NLRP4: variants seen among roughly 807,000 people sequenced by gnomAD.
The protein encoded by NLRP4 is NACHT, LRR and PYD domains-containing protein 4.
A neutral mutation model predicts 84.7 loss-of-function variants in NLRP4; 44 were observed. That is an observed-to-expected ratio of 0.52 (90% CI 0.41 to 0.67). The LOEUF is 0.67. NLRP4 is among the 30% of genes least tolerant of loss of function. The probability of loss-of-function intolerance (pLI) is 0.00; values close to 1 mark genes in which losing one functional copy is unlikely to be tolerated. For synonymous variants in NLRP4, 544 were observed against 476.4 expected (o/e 1.14, Z -1.85); for missense variants, 1,260 against 1,219.4 (o/e 1.03, Z -0.50).
At chr19:55,841,332 CTTCTAT>C (rs1175017077) in intron 1 of NLRP4, among the ~76,000 whole-genome samples, 1 of 152,154 alleles carries the variant, frequency 6.6e-6, no homozygotes, top group Admixed American at 6.6e-5. Flanking sequence ...CTACTCTCTA[CTTCTAT>C]AAGTTCATCT....
At chr19:55,851,888 T>G in intron 1 of NLRP4, 128 bp from the exon 2 acceptor site, 1 of 547,334 alleles carries the variant, frequency 1.8e-6, no homozygotes. Flanking sequence ...AATGAGAAGG[T>G]GAGATGAATG....
chr19:55,848,616 A>T (rs1359470171), intron 1 of NLRP4, among the ~76,000 whole-genome samples: 1 of 151,994 alleles, frequency 6.6e-6, no homozygotes, highest in East Asian at 1.9e-4. Context: ...GTTGGCCAAG[A>T]TGGTCTGGAT....
intron 1 of NLRP4, among the ~76,000 whole-genome samples, chr19:55,848,413 A>G (rs1983883399): frequency 6.6e-6 from 1 of 151,800 alleles, no homozygotes; most frequent in African/African-American, 2.4e-5. Context: ...AGCATACTAT[A>G]CTATACATTG....
chr19:55,876,411 C>T (rs895899628), intron 7 of NLRP4, among the ~76,000 whole-genome samples: 7 of 152,136 alleles, frequency 4.6e-5, no homozygotes, highest in East Asian at 1.9e-4. Flanking sequence ...TGCAGTGGTG[C>T]GATCTCAGCT....
intron 2 of NLRP4, among the ~76,000 whole-genome samples, chr19:55,856,728 A>C (rs11882339): frequency 0.016 from 2,480 of 151,842 alleles, 57 homozygotes; most frequent in African/African-American, 0.04. Context: ...GTTGGCCAGG[A>C]TGGTCTTGAT....
intron 1 of NLRP4, among the ~76,000 whole-genome samples, chr19:55,840,708 A>G (rs555629096): frequency 1.3e-5 from 2 of 152,012 alleles, no homozygotes; most frequent in African/African-American, 2.4e-5. Flanking sequence ...GATCATTCGT[A>G]TATTTTAAGG....
chr19:55,841,647 G>A (rs1352894644), intron 1 of NLRP4, among the ~76,000 whole-genome samples: 1 of 152,144 alleles, frequency 6.6e-6, no homozygotes, highest in Non-Finnish European at 1.5e-5. Context: ...CAGATCACGA[G>A]GTCAGGAGAT....
intron 1 of NLRP4, among the ~76,000 whole-genome samples, chr19:55,844,225 T>A (rs1165561531): frequency 1.3e-5 from 2 of 152,150 alleles, no homozygotes; most frequent in Non-Finnish European, 1.5e-5. Context: ...AGTGGCATTT[T>A]CCCTGTGGCA....
intron 9 of NLRP4, 40 bp downstream of exon 9, chr19:55,879,004 C>A: frequency 6.5e-7 from 1 of 1,527,138 alleles, no homozygotes; most frequent in Non-Finnish European, 9.0e-7. Flanking sequence ...CAGAGTGCTC[C>A]GGGCTAAGAA....
Position 55,858,661 on chromosome 19 carries a change from G to A in NLRP4, c.1268G>A (p.Gly423Glu), listed in dbSNP as rs1249925188. The change falls in exon 3 of 10, where the codon GGG becomes GAG. Residue 423 changes from glycine to glutamate, a missense_variant. Gly to Glu is a moderately conservative substitution (Grantham distance 98). Transcript: ENST00000301295. This position sits in a 1 kb window ranked among gnomAD's most constrained non-coding sequence, Gnocchi z 4.2. ...EFCEDDLRRN[G>E]VVDADIPALL... ...TGTGAAGACGACCTCCGGAGAAATG[G>A]GGTTGTTGACGCTGACATCCCTGCG... 1 of 1,614,070 alleles carries A rather than the reference G, an allele frequency of 6.2e-7. No individual in the cohort carries two copies. Among genetic ancestry groups the A allele is most frequent in the African/African-American group, 1.3e-5 (1 of 74,908 alleles).
chr19:55,880,355 A>T (rs1324990159), intron 9 of NLRP4, among the ~76,000 whole-genome samples: 1 of 152,228 alleles, frequency 6.6e-6, no homozygotes, highest in African/African-American at 2.4e-5. Context: ...AATTGTCTGC[A>T]TTCTGAGTCA....
intron 5 of NLRP4, among the ~76,000 whole-genome samples, chr19:55,866,542 T>A (rs76721792): frequency 0.032 from 4,935 of 152,204 alleles, 183 homozygotes; most frequent in Middle Eastern, 0.12. Context: ...GTTGAGGTAA[T>A]AGAAAACCAC....
intron 5 of NLRP4, among the ~76,000 whole-genome samples, chr19:55,866,063 TCA>T (rs1171212441): frequency 6.6e-6 from 1 of 152,170 alleles, no homozygotes; most frequent in Non-Finnish European, 1.5e-5. Context: ...GAGATGAGTC[TCA>T]CTCTGTCACC....
chr19:55,871,116 T>G, intron 7 of NLRP4, 119 bp downstream of exon 7: 1 of 819,346 alleles, frequency 1.2e-6, no homozygotes, highest in Non-Finnish European at 1.9e-6. Flanking sequence ...ATGTGAAGGT[T>G]TAAAAAATAC....
chr19:55,839,308 A>AGTGTGTGT (rs59705356), intron 1 of NLRP4, among the ~76,000 whole-genome samples: 1,746 of 151,464 alleles, frequency 0.012, 43 homozygotes, highest in African/African-American at 0.04. Context: ...CCTCAGTTTG[A>AGTGTGTGT]GTGTGTGTGT....
At chr19:55,837,905 A>T (rs1016953486) in intron 1 of NLRP4, among the ~76,000 whole-genome samples, 1 of 152,054 alleles carries the variant, frequency 6.6e-6, no homozygotes, top group African/African-American at 2.4e-5. Context: ...GTATGGTGGC[A>T]GGTGCCTGTA....
rs758997345 is a variant in NLRP4, at chr19:55,878,906, G to T, written c.2809G>T (p.Gly937Trp). 1.2e-6 allele frequency: 2 copies of T among 1,613,888 alleles called. No homozygotes were observed. Among genetic ancestry groups the T allele is most frequent in the Admixed American group, 3.3e-5 (2 of 60,008 alleles). ...GACCTTGAACACCTTGGACCACACA[G>T]GGGTGGTTGTACTCTGTGAGGCCCT... ...NLTLNTLDHT[G>W]VVVLCEALRH... Residue 937 changes from glycine (G) to tryptophan (W), a missense_variant, in exon 9 of 10, where the codon GGG (glycine) becomes TGG (tryptophan). Coordinates refer to ENST00000301295, the MANE Select transcript of NLRP4 (RefSeq NM_134444.5).
chr19:55,847,110 T>A (rs2123002643), intron 1 of NLRP4, among the ~76,000 whole-genome samples: 1 of 151,988 alleles, frequency 6.6e-6, no homozygotes, highest in East Asian at 1.9e-4. Flanking sequence ...TTAGATGCTA[T>A]TAAATTTTTT....
chr19:55,841,463 A>AT (rs1487456835), intron 1 of NLRP4, among the ~76,000 whole-genome samples: 1 of 152,086 alleles, frequency 6.6e-6, no homozygotes, highest in East Asian at 1.9e-4. Flanking sequence ...AGATTTCATT[A>AT]TTTTTTATGG....
Sources: allele counts gnomAD v4.1 joint callset (sites outside exome capture counted in the v4.1 genomes callset), GRCh38; gene constraint gnomAD v4.1.1; non-coding constraint Gnocchi (gnomAD v3.1); transcripts MANE v1.5; gene names NCBI Gene and HGNC (gene_info 2026-07-23, HGNC 2026-07-21).